Variants in ENTREP2 observed in about 807,000 individuals in gnomAD.
ENTREP2 encodes the protein protein ENTREP2.
chr15:29,623,298 G>T, the ENTREP2 span, among the ~76,000 whole-genome samples: 1 of 152,150 alleles, frequency 6.6e-6, no homozygotes, highest in Non-Finnish European at 1.5e-5. Flanking sequence ...CTCAAGTTCA[G>T]GTTTCCAAGG....
At chr15:29,325,185 T>C in the ENTREP2 span, among the ~76,000 whole-genome samples, 16 of 152,238 alleles carry the variant, frequency 1.1e-4, no homozygotes, top group East Asian at 2.9e-3. Context: ...GCAAAAGCCA[T>C]ACTCAAGGAG....
chr15:29,544,514 A>T, the ENTREP2 span, among the ~76,000 whole-genome samples: 2 of 152,164 alleles, frequency 1.3e-5, no homozygotes, highest in Non-Finnish European at 2.9e-5. Context: ...TTTTACCACA[A>T]TTAACATTTT....
chr15:29,488,971 T>C, the ENTREP2 span, among the ~76,000 whole-genome samples: 1 of 151,828 alleles, frequency 6.6e-6, no homozygotes, highest in African/African-American at 2.4e-5. Flanking sequence ...AGAGGGGAAA[T>C]AGGGAGAAAC....
At chr15:29,486,654 C>A in the ENTREP2 span, among the ~76,000 whole-genome samples, 2 of 152,146 alleles carry the variant, frequency 1.3e-5, no homozygotes, top group African/African-American at 2.4e-5. Context: ...TGTACATCTG[C>A]GCTCCAGCCT....
chr15:29,443,915 T>C, the ENTREP2 span, among the ~76,000 whole-genome samples: 2 of 151,898 alleles, frequency 1.3e-5, no homozygotes, highest in African/African-American at 4.8e-5. Flanking sequence ...CCATCCTGGC[T>C]AACATGGTGA....
chr15:29,625,862 TTTTTA>T, the ENTREP2 span, among the ~76,000 whole-genome samples: 250 of 152,172 alleles, frequency 1.6e-3, no homozygotes, highest in African/African-American at 4.1e-3. Context: ...TTTCTTTTCT[TTTTTA>T]TTTTATTTTT....
chr15:29,407,601 G>A, the ENTREP2 span, among the ~76,000 whole-genome samples: 1 of 152,162 alleles, frequency 6.6e-6, no homozygotes, highest in African/African-American at 2.4e-5. Flanking sequence ...GCACAGCCAG[G>A]TAAGGAGGGA....
the ENTREP2 span, among the ~76,000 whole-genome samples, chr15:29,386,339 A>C: frequency 7.2e-5 from 11 of 152,262 alleles, no homozygotes; most frequent in Non-Finnish European, 1.3e-4. Context: ...ATGGAGCCCC[A>C]AAACACTCCC....
chr15:29,606,694 T>G, the ENTREP2 span, among the ~76,000 whole-genome samples: 1 of 152,308 alleles, frequency 6.6e-6, no homozygotes. Flanking sequence ...TAAGACTTTT[T>G]CAAGATGTCC....
chr15:29,193,964 A>G, the ENTREP2 span, among the ~76,000 whole-genome samples: 5 of 152,224 alleles, frequency 3.3e-5, no homozygotes, highest in Non-Finnish European at 7.3e-5. Context: ...AAGACTGATG[A>G]AAAAAAGAAA....
the ENTREP2 span, among the ~76,000 whole-genome samples, chr15:29,477,250 G>T: frequency 1.3e-5 from 2 of 152,134 alleles, no homozygotes; most frequent in Admixed American, 6.5e-5. Flanking sequence ...TTCACCTTTG[G>T]GGGCAGTAAG....
At chr15:29,441,404 T>TA in the ENTREP2 span, among the ~76,000 whole-genome samples, 2 of 152,206 alleles carry the variant, frequency 1.3e-5, no homozygotes, top group Non-Finnish European at 2.9e-5. Context: ...GTGGTAGTCA[T>TA]ACGAAGGTGA....
At chr15:29,239,613 C>G in the ENTREP2 span, among the ~76,000 whole-genome samples, 3 of 152,112 alleles carry the variant, frequency 2.0e-5, no homozygotes, top group Non-Finnish European at 2.9e-5. Flanking sequence ...ACCAGACTTT[C>G]AAGGATAAAC....
At chr15:29,494,965 C>G in the ENTREP2 span, among the ~76,000 whole-genome samples, 1 of 150,736 alleles carries the variant, frequency 6.6e-6, no homozygotes, top group African/African-American at 2.5e-5. Context: ...TTAGGTTGTT[C>G]CCATTATCTT....
At chr15:29,235,080 C>T in the ENTREP2 span, 46 of 1,086,178 alleles carry the variant, frequency 4.2e-5, 1 homozygote, top group East Asian at 3.8e-4. Flanking sequence ...TCCTCCAGCC[C>T]GAGGGACCTT....
chr15:29,639,550 C>T, the ENTREP2 span, among the ~76,000 whole-genome samples: 584 of 152,186 alleles, frequency 3.8e-3, 4 homozygotes, highest in South Asian at 0.034. Context: ...GCAGTTCTTA[C>T]AGATAAATTT....
At chr15:29,556,763 C>G in the ENTREP2 span, among the ~76,000 whole-genome samples, 124 of 11,062 alleles carry the variant, frequency 0.011, no homozygotes, top group South Asian at 0.066. Context: ...CATGCAGGTG[C>G]CCCCCCCCCG....
chr15:29,665,086 C>T, the ENTREP2 span, among the ~76,000 whole-genome samples: 1 of 152,222 alleles, frequency 6.6e-6, no homozygotes, highest in Admixed American at 6.5e-5. Context: ...TCTCCCACAC[C>T]TGGGGAGTTC....
At chr15:29,145,062 T>A in the ENTREP2 span, among the ~76,000 whole-genome samples, 1 of 151,416 alleles carries the variant, frequency 6.6e-6, no homozygotes. Flanking sequence ...TCAAAAAAAA[T>A]TTAATGAATA....
Sources: allele counts gnomAD v4.1 joint callset (sites outside exome capture counted in the v4.1 genomes callset), GRCh38; gene constraint gnomAD v4.1.1; transcripts MANE v1.5; gene names NCBI Gene and HGNC (gene_info 2026-07-23, HGNC 2026-07-21).